The following SPAG16 variants were observed in gnomAD, a reference collection of about 807,000 sequenced individuals.
SPAG16 encodes sperm associated antigen 16.
In SPAG16, 86 loss-of-function variants were observed where a neutral mutation model predicts 80.4. That is an observed-to-expected ratio of 1.07 (90% CI 0.90 to 1.28). The LOEUF is 1.28. Ranked by LOEUF, SPAG16 falls within the 50% of genes most tolerant of loss-of-function variation. The pLI, the probability that SPAG16 is intolerant of heterozygous loss-of-function variation, is 0.00. For missense variants in SPAG16, 870 were observed against 765.3 expected (o/e 1.14, Z -1.61); for synonymous variants, 294 against 265.9 (o/e 1.11, Z -1.03).
intron 9 of SPAG16, among the ~76,000 whole-genome samples, chr2:213,382,979 G>A (rs1234028451): frequency 6.6e-6 from 1 of 152,244 alleles, no homozygotes; most frequent in African/African-American, 2.4e-5. Context: ...CAAATCAGTA[G>A]CCTCATAACA....
At chr2:214,079,707 A>G (rs1415813166) in intron 13 of SPAG16, among the ~76,000 whole-genome samples, 1 of 152,144 alleles carries the variant, frequency 6.6e-6, no homozygotes, top group Non-Finnish European at 1.5e-5. Flanking sequence ...ATTGGCTTGG[A>G]CCACCTATTT....
intron 10 of SPAG16, among the ~76,000 whole-genome samples, chr2:213,721,118 TG>T (rs1231352414): frequency 1.3e-5 from 2 of 152,010 alleles, no homozygotes; most frequent in African/African-American, 4.8e-5. Flanking sequence ...TATTAGTTTT[TG>T]AGATGGAGTC....
At chr2:214,311,363 T>G (rs1384032815) in intron 15 of SPAG16, among the ~76,000 whole-genome samples, 1 of 152,144 alleles carries the variant, frequency 6.6e-6, no homozygotes, top group African/African-American at 2.4e-5. Context: ...GTGTGGTCCC[T>G]GCCACCTGAG....
chr2:213,703,474 C>T (rs368795962), intron 10 of SPAG16, among the ~76,000 whole-genome samples: 2 of 152,280 alleles, frequency 1.3e-5, no homozygotes, highest in South Asian at 4.1e-4. Context: ...TAGTATAATT[C>T]ACTGTATTTT....
intron 10 of SPAG16, among the ~76,000 whole-genome samples, chr2:213,834,737 T>C (rs915507699): frequency 6.6e-6 from 1 of 152,160 alleles, no homozygotes; most frequent in African/African-American, 2.4e-5. Flanking sequence ...CTCAATATCA[T>C]GTACCGTACT....
intron 10 of SPAG16, among the ~76,000 whole-genome samples, chr2:213,748,010 T>G (rs1373422756): frequency 6.6e-6 from 1 of 152,234 alleles, no homozygotes; most frequent in African/African-American, 2.4e-5. Context: ...TGGACGATTA[T>G]TGTTAATAAT....
chr2:214,330,039 G>A (rs544029650), intron 15 of SPAG16, among the ~76,000 whole-genome samples: 2 of 151,944 alleles, frequency 1.3e-5, no homozygotes, highest in African/African-American at 2.4e-5. Flanking sequence ...GGCCATGGCA[G>A]GTGGATCACC....
intron 15 of SPAG16, among the ~76,000 whole-genome samples, chr2:214,230,638 A>G (rs1408390537): frequency 6.6e-6 from 1 of 151,986 alleles, no homozygotes; most frequent in Non-Finnish European, 1.5e-5. Flanking sequence ...CTCTATGCAC[A>G]TGCTGGTGCA....
intron 12 of SPAG16, among the ~76,000 whole-genome samples, chr2:213,995,815 C>G (rs552408448): frequency 3.0e-4 from 45 of 152,322 alleles, no homozygotes; most frequent in Non-Finnish European, 5.7e-4. Context: ...GATCCAGCCT[C>G]TCAGATGAAT....
rs533629082 is a variant in SPAG16, at chr2:214,175,299, A to G, written c.1720+26033A>G. 5.6e-3 allele frequency among the ~76,000 whole-genome samples: 391 copies of G among 69,538 alleles called. 1 individual carries two copies. Among genetic ancestry groups the G allele is most frequent in the African/African-American group, 0.012 (381 of 30,860 alleles). 45.6% of individuals were successfully genotyped at this position (69,538 alleles called of 152,430 possible). A position where few individuals can be genotyped will look rare whatever the true frequency, so the allele number is the denominator to read the frequency against. ...TATAAAGAAATGTGTATATATATAA[A>G]GAAATATATATATAAAGAAATATAT... On this transcript the variant is annotated intron_variant, in intron 15 of 15. Transcript: ENST00000331683.
intron 13 of SPAG16, among the ~76,000 whole-genome samples, chr2:214,069,073 A>T (rs1221254007): frequency 6.6e-6 from 1 of 152,132 alleles, no homozygotes; most frequent in African/African-American, 2.4e-5. Flanking sequence ...ATAAGATCAA[A>T]TTACATTCCA....
chr2:213,512,214 G>A (rs1170397413), intron 10 of SPAG16, among the ~76,000 whole-genome samples: 1 of 152,050 alleles, frequency 6.6e-6, no homozygotes, highest in Non-Finnish European at 1.5e-5. Context: ...AGCATATAAA[G>A]GGGAAAGAAG....
At chr2:213,680,872 C>G (rs2064343138) in intron 10 of SPAG16, among the ~76,000 whole-genome samples, 1 of 152,094 alleles carries the variant, frequency 6.6e-6, no homozygotes, top group Non-Finnish European at 1.5e-5. Flanking sequence ...CAGGACAACT[C>G]CAAGTTGGGG....
chr2:214,357,175 G>C (rs1698869865), intron 15 of SPAG16, among the ~76,000 whole-genome samples: 2 of 151,402 alleles, frequency 1.3e-5, no homozygotes, highest in South Asian at 4.2e-4. Flanking sequence ...TTGTATCTTT[G>C]GTTCTCTGCA....
intron 6 of SPAG16, among the ~76,000 whole-genome samples, chr2:213,350,015 T>C (rs1256373147): frequency 1.3e-5 from 2 of 152,124 alleles, no homozygotes; most frequent in African/African-American, 2.4e-5. Flanking sequence ...TTTTTAAAGG[T>C]ATATTATATA....
rs570926901 is a variant in SPAG16 at position 214,292,872 on chromosome 2, A to C, written c.1721-117268A>C. Among the ~76,000 whole-genome samples the C allele has an allele frequency of 3.3e-5, 5 of 152,142 alleles. No individual in the cohort carries two copies. The South Asian group carries it at 1.0e-3, about 32-fold the overall frequency. On this transcript the variant is annotated intron_variant, in intron 15 of 15. Transcript: ENST00000331683. ...GTAGAGAACTTTGGCCTCAATTTTG[A>C]GTGCATGCGATATTGTAGTATCTGT...
intron 13 of SPAG16, among the ~76,000 whole-genome samples, chr2:214,081,453 G>A (rs1268755135): frequency 6.6e-6 from 1 of 152,144 alleles, no homozygotes; most frequent in Non-Finnish European, 1.5e-5. Context: ...AATTCAATAT[G>A]ACTGATGCTC....
intron 12 of SPAG16, among the ~76,000 whole-genome samples, chr2:213,939,223 A>G (rs1003496642): frequency 3.9e-5 from 6 of 152,190 alleles, no homozygotes; most frequent in African/African-American, 1.4e-4. Flanking sequence ...TATTTATCTA[A>G]TATTTACCAA....
At chr2:213,395,529 C>T (rs1023357277) in intron 9 of SPAG16, among the ~76,000 whole-genome samples, 5 of 151,932 alleles carry the variant, frequency 3.3e-5, no homozygotes, top group East Asian at 1.9e-4. Flanking sequence ...AGAGATTTTC[C>T]GGTTTGATTT....
Sources: allele counts gnomAD v4.1 joint callset (sites outside exome capture counted in the v4.1 genomes callset), GRCh38; gene constraint gnomAD v4.1.1; transcripts MANE v1.5; gene names NCBI Gene and HGNC (gene_info 2026-07-23, HGNC 2026-07-21).